The following ARFGEF1 variants were observed in gnomAD, a reference collection of about 807,000 sequenced individuals.
The protein encoded by ARFGEF1 is ARF guanine nucleotide exchange factor 1.
A neutral mutation model predicts 231.0 loss-of-function variants in ARFGEF1; 42 were observed. The observed-to-expected ratio is 0.18, with a 90% CI of 0.14 to 0.24. The LOEUF is 0.24. ARFGEF1 is among the 10% of genes least tolerant of loss of function. The probability of loss-of-function intolerance (pLI) is 1.00; values close to 1 mark genes in which losing one functional copy is unlikely to be tolerated. For missense variants in ARFGEF1, 1,345 were observed against 2,192.0 expected (o/e 0.61, Z 7.72); for synonymous variants, 710 against 732.3 (o/e 0.97, Z 0.49).
chr8:67,226,003 T>C lies in ARFGEF1; in HGVS notation c.4077+20A>G. ...GGAAAGAATACTCTGCAAAATTTTG[T>C]TTACTAAATGACGCTATACCTGAGG... On this transcript the variant is annotated intron_variant, in intron 28 of 38. Transcript: ENST00000262215. 1 of 1,557,148 alleles carries C rather than the reference T, an allele frequency of 6.4e-7. No homozygotes were observed.
At chr8:67,218,655 T>C (rs932487474) in intron 30 of ARFGEF1, among the ~76,000 whole-genome samples, 2 of 150,750 alleles carry the variant, frequency 1.3e-5, no homozygotes, top group African/African-American at 4.9e-5. Context: ...TTCAAGCCCA[T>C]AAAAAATAAT....
chr8:67,270,034 A>G (rs1805011448), intron 10 of ARFGEF1, among the ~76,000 whole-genome samples: 1 of 152,216 alleles, frequency 6.6e-6, no homozygotes, highest in Non-Finnish European at 1.5e-5. Flanking sequence ...AAATTTTCTA[A>G]TGCCAACTTA....
chr8:67,175,116 A>G (rs1284967790), downstream of ARFGEF1: 1 of 587,900 alleles, frequency 1.7e-6, no homozygotes, highest in Non-Finnish European at 3.0e-6. Context: ...AAGAATATTA[A>G]TTTCATATTC....
intron 19 of ARFGEF1, 89 bp downstream of exon 19, chr8:67,251,210 C>CA (rs1840274502): frequency 1.6e-6 from 2 of 1,219,470 alleles, no homozygotes; most frequent in Admixed American, 3.0e-5. Flanking sequence ...TGTGTTATAT[C>CA]ACTGTATCGC....
At chr8:67,305,586 A>C (rs1806703893) in intron 1 of ARFGEF1, among the ~76,000 whole-genome samples, 1 of 152,148 alleles carries the variant, frequency 6.6e-6, no homozygotes, top group Non-Finnish European at 1.5e-5. Context: ...ACCTTAGGTG[A>C]TCAGCCCGCC....
At chr8:67,179,991 A>G (rs1832634767) in intron 5 of ARFGEF1, 1 of 890,900 alleles carries the variant, frequency 1.1e-6, no homozygotes, top group Non-Finnish European at 1.8e-6. Flanking sequence ...ACACTTAAAA[A>G]CCAGTACTGT....
intron 36 of ARFGEF1, 60 bp from the exon 37 acceptor site, chr8:67,201,665 C>T (rs1056633996): frequency 3.7e-6 from 6 of 1,602,542 alleles, no homozygotes; most frequent in Non-Finnish European, 4.3e-6. Context: ...AAAGGTGAAA[C>T]AGCCCGTATG....
intron 8 of ARFGEF1, among the ~76,000 whole-genome samples, chr8:67,276,849 T>A (rs1459220717): frequency 5.9e-5 from 9 of 152,170 alleles, no homozygotes. Context: ...AAATCCAAAA[T>A]GTGGAATTCT....
At chr8:67,291,698 C>T in intron 6 of ARFGEF1, 149 bp downstream of exon 6, 1 of 1,002,310 alleles carries the variant, frequency 1.0e-6, no homozygotes, top group Admixed American at 2.5e-5. Flanking sequence ...TTAATTTTAC[C>T]ACCTACAATG....
rs181767698 is a variant in ARFGEF1, at chr8:67,308,141, A to C, written c.125-5675T>G. On this transcript the variant is annotated intron_variant, in intron 1 of 38. Transcript: ENST00000262215. ...AGAGGATTCCAGTTCCTGGCCATTCACATCTCCCTCAGTCATTTCAGTTTG... is the reference window on the plus strand; with the variant it reads ...AGAGGATTCCAGTTCCTGGCCATTCCCATCTCCCTCAGTCATTTCAGTTTG... 2.6e-4 allele frequency among the ~76,000 whole-genome samples: 40 copies of C among 152,316 alleles called. No homozygotes were observed. In the East Asian group the frequency reaches 2.9e-3, roughly 11 times the overall value.
At position 67,251,575 on chromosome 8, in the gene ARFGEF1, A is replaced by C. The variant is rs972485585; in HGVS notation, c.2699-125T>G. 50 of 917,966 alleles carry C rather than the reference A, an allele frequency of 5.4e-5. No individual in the cohort carries two copies. In the African/African-American group the frequency reaches 8.5e-4, roughly 16 times the overall value. 56.9% of individuals were successfully genotyped at this position (917,966 alleles called of 1,614,324 possible). On this transcript the variant is annotated intron_variant, in intron 18 of 38. Transcript: ENST00000262215. ...GTAATCCTAAGAAGCAAGACACAAG[A>C]GATCCCATATTATATGATTACACTT...
downstream of ARFGEF1, chr8:67,193,351 C>T: frequency 8.1e-6 from 7 of 862,776 alleles, no homozygotes; most frequent in Non-Finnish European, 8.9e-6. Context: ...CCCACCTCGG[C>T]TTCCCAAAGT....
At chr8:67,176,199 C>G (rs1831584723) in intron 5 of ARFGEF1, among the ~76,000 whole-genome samples, 1 of 152,054 alleles carries the variant, frequency 6.6e-6, no homozygotes, top group African/African-American at 2.4e-5. Context: ...TTTCACCAGC[C>G]TTCAGGCCAT....
In ARFGEF1 at chr8:67,277,207, A is replaced by C. The variant is rs1020822774; in HGVS notation, c.1203+75T>G. The C allele has an allele frequency of 4.9e-6, 7 of 1,427,328 alleles. No individual in the cohort carries two copies. The African/African-American group carries it at 1.0e-4, about 21-fold the overall frequency. 88.4% of individuals were successfully genotyped at this position (1,427,328 alleles called of 1,614,324 possible). A position where few individuals can be genotyped will look rare whatever the true frequency, so the allele number is the denominator to read the frequency against. ...GCAGCATCATCAGCTGAAAATACTC[A>C]TGACAAGGTGGTGGTAGCCTATAAA... On this transcript the variant is annotated intron_variant, in intron 8 of 38. Coordinates refer to ENST00000262215, the MANE Select transcript of ARFGEF1 (RefSeq NM_006421.5).
chr8:67,343,133 A>C (rs1335560433), intron 1 of ARFGEF1, 31 bp downstream of exon 1: 20 of 641,790 alleles, frequency 3.1e-5, no homozygotes, highest in East Asian at 1.3e-4. Flanking sequence ...CACAACAAGC[A>C]CCCCATCCCC....
intron 23 of ARFGEF1, among the ~76,000 whole-genome samples, chr8:67,232,275 C>CAGAA (rs1839578073): frequency 6.6e-6 from 1 of 151,960 alleles, no homozygotes; most frequent in African/African-American, 2.4e-5. Flanking sequence ...AGCTAAACTT[C>CAGAA]AAGTAACAAT....
rs573110051 is a variant in ARFGEF1, at chr8:67,219,373, A to G, written c.4338+58T>C. On this transcript the variant is annotated intron_variant, in intron 30 of 38. Transcript: ENST00000262215. ...TTTGAAACACTAAAATGTATTGATT[A>G]TAATACTGAGAATCTTTTAACTTGA... The G allele has an allele frequency of 2.5e-5, 39 of 1,559,248 alleles. 1 individual carries two copies. The highest frequency in any genetic ancestry group is 3.2e-5 in the Non-Finnish European group (37 of 1,154,202).
chr8:67,218,196 A>T (rs1276904918), intron 30 of ARFGEF1, 58 bp from the exon 31 acceptor site: 1 of 194,716 alleles, frequency 5.1e-6, no homozygotes, highest in Non-Finnish European at 7.8e-6. Flanking sequence ...ATGATTAAAA[A>T]AAAAAAAAAA....
At position 67,266,984 on chromosome 8, in the gene ARFGEF1, C is replaced by T; in HGVS notation, c.1813G>A (p.Glu605Lys). The T allele has an allele frequency of 6.2e-7, 1 of 1,612,122 alleles. No homozygotes were observed. ...SQELGMSNVQ[E>K]LSLRKKGLEC... ...AAACCTTTTTTCCTCAGGCTCAATT[C>T]CTACAAAGTAATTCAAAAACAAAAT... The change falls in exon 13 of 39, where the codon GAA becomes AAA. Residue 605 changes from glutamate to lysine, a missense_variant and splice_region_variant. By Grantham distance (56) the Glu-to-Lys change is moderately conservative (BLOSUM62 1). Transcript: ENST00000262215.
Sources: allele counts gnomAD v4.1 joint callset (sites outside exome capture counted in the v4.1 genomes callset), GRCh38; gene constraint gnomAD v4.1.1; transcripts MANE v1.5; gene names NCBI Gene and HGNC (gene_info 2026-07-23, HGNC 2026-07-21).